CSMD1: variants seen among roughly 807,000 people sequenced by gnomAD.
CSMD1 encodes CUB and Sushi multiple domains 1, also known as CUB and sushi domain-containing protein 1.
CSMD1 carries 213 observed loss-of-function variants against 417.5 expected under a neutral mutation model. The ratio of observed to expected loss-of-function variants is 0.51; its 90% CI spans 0.46 to 0.57. The LOEUF is 0.57. CSMD1 is among the 20% of genes least tolerant of loss of function. The pLI is 0.00. For missense variants in CSMD1, 6,923 were observed against 4,529.7 expected (o/e 1.53, Z -15.17); for synonymous variants, 2,862 against 1,736.8 (o/e 1.65, Z -16.11).
At chr8:3,722,688 G>T (rs1802257301) in intron 6 of CSMD1, among the ~76,000 whole-genome samples, 1 of 152,110 alleles carries the variant, frequency 6.6e-6, no homozygotes, top group Admixed American at 6.6e-5. Context: ...AATTGCCCTA[G>T]GATCAATTTT....
intron 2 of CSMD1, among the ~76,000 whole-genome samples, chr8:4,560,944 T>G (rs1446724694): frequency 6.6e-6 from 1 of 152,206 alleles, no homozygotes; most frequent in Non-Finnish European, 1.5e-5. Context: ...TATTACATTT[T>G]CTATGGACAA....
chr8:4,753,182 G>A (rs1362701464), intron 1 of CSMD1, among the ~76,000 whole-genome samples: 2 of 152,012 alleles, frequency 1.3e-5, no homozygotes, highest in East Asian at 1.9e-4. Flanking sequence ...AGGAGGCAAT[G>A]GAGACAGGAG....
At chr8:4,818,964 G>A (rs766490420) in intron 1 of CSMD1, among the ~76,000 whole-genome samples, 2 of 152,052 alleles carry the variant, frequency 1.3e-5, no homozygotes, top group Non-Finnish European at 2.9e-5. Flanking sequence ...TTAAAACTGT[G>A]ACTTGATTTC....
At chr8:3,122,699 C>T (rs997968053) in intron 41 of CSMD1, among the ~76,000 whole-genome samples, 4 of 152,136 alleles carry the variant, frequency 2.6e-5, no homozygotes, top group Admixed American at 1.3e-4. Flanking sequence ...TTTTCTCTTG[C>T]TGCCGCCATG....
At chr8:3,217,380 G>C (rs1400561304) in intron 29 of CSMD1, among the ~76,000 whole-genome samples, 3 of 152,226 alleles carry the variant, frequency 2.0e-5, no homozygotes, top group African/African-American at 7.2e-5. Context: ...CATGCAACCT[G>C]TAAGGCCCTT....
rs1229401213 is a variant in CSMD1, at chr8:4,927,470, G to A, written c.85+66862C>T. Among the ~76,000 whole-genome samples, 7 of 152,168 alleles carry A rather than the reference G, an allele frequency of 4.6e-5. No individual in the cohort carries two copies. The South Asian group carries it at 1.2e-3, about 27-fold the overall frequency. On this transcript the variant is annotated intron_variant, in intron 1 of 69. Coordinates refer to ENST00000635120, the MANE Select transcript of CSMD1 (RefSeq NM_033225.6). ...TAGGACTCAAGAACTGAGGCTTGGGGCTCAAGTCTTTGCTTTGTAGCTTAG... is the reference window on the plus strand; with the variant it reads ...TAGGACTCAAGAACTGAGGCTTGGGACTCAAGTCTTTGCTTTGTAGCTTAG...
intron 12 of CSMD1, among the ~76,000 whole-genome samples, chr8:3,447,007 G>C (rs775681250): frequency 3.9e-5 from 6 of 152,160 alleles, no homozygotes; most frequent in South Asian, 2.1e-4. Flanking sequence ...AAAGGAATTG[G>C]TGAAATGTTA....
At chr8:4,658,879 A>G (rs921627861) in intron 1 of CSMD1, among the ~76,000 whole-genome samples, 1 of 152,156 alleles carries the variant, frequency 6.6e-6, no homozygotes, top group Non-Finnish European at 1.5e-5. Context: ...CTAGAGCTAT[A>G]TAGGAGCACA....
chr8:4,219,549 T>C (rs1385605203), intron 3 of CSMD1, among the ~76,000 whole-genome samples: 2 of 29,256 alleles, frequency 6.8e-5, no homozygotes, highest in African/African-American at 2.7e-4. Flanking sequence ...ACATTTATGC[T>C]TATGTTAAAA....
intron 56 of CSMD1, 38 bp from the exon 57 acceptor site, chr8:2,973,337 G>A: frequency 6.3e-7 from 1 of 1,590,102 alleles, no homozygotes; most frequent in South Asian, 1.1e-5. Flanking sequence ...CCACAATTGT[G>A]TTAGACTTGT....
intron 5 of CSMD1, among the ~76,000 whole-genome samples, chr8:3,989,428 A>G (rs1814581774): frequency 6.6e-6 from 1 of 152,226 alleles, no homozygotes; most frequent in Non-Finnish European, 1.5e-5. Flanking sequence ...CAAGCTAGGT[A>G]AGAGCGGCTT....
chr8:4,122,440 G>C lies in CSMD1; in HGVS notation c.416-90341C>G, dbSNP rs141584800. Among the ~76,000 whole-genome samples, 11 of 152,306 alleles carry C rather than the reference G, an allele frequency of 7.2e-5. No individual in the cohort carries two copies. The East Asian group carries it at 1.9e-3, about 27-fold the overall frequency. On this transcript the variant is annotated intron_variant, in intron 3 of 69. Coordinates refer to ENST00000635120, the MANE Select transcript of CSMD1 (RefSeq NM_033225.6). ...GAACAACAAACCTCTGACGCAGTTA[G>C]CAATAGATCCAGGGTGGAAATGAAG...
At chr8:4,623,574 A>AG (rs543648201) in intron 2 of CSMD1, among the ~76,000 whole-genome samples, 5 of 152,110 alleles carry the variant, frequency 3.3e-5, no homozygotes, top group Middle Eastern at 3.4e-3. Flanking sequence ...CAGGGGGGTG[A>AG]GGGGGGAACA....
At chr8:3,524,853 C>G (rs946589912) in intron 10 of CSMD1, among the ~76,000 whole-genome samples, 1 of 151,380 alleles carries the variant, frequency 6.6e-6, no homozygotes, top group Non-Finnish European at 1.5e-5. Flanking sequence ...AACTTCCTTT[C>G]TATTTTAACA....
Position 3,277,776 on chromosome 8 carries a change from TTAGGAGTACCAG to T in CSMD1, c.4153+6356_4153+6367del, listed in dbSNP as rs1156753931. On this transcript the variant is annotated intron_variant, in intron 26 of 69. Coordinates refer to ENST00000635120, the MANE Select transcript of CSMD1 (RefSeq NM_033225.6). ...GCCTGGGAGGCTGGCTGGTGTTTCC[TTAGGAGTACCAG>T]AATTGGACATTTATTAACTAGTAAT... is the stretch of plus-strand genomic sequence containing the variant. 3.3e-5 allele frequency among the ~76,000 whole-genome samples: 5 copies of T among 152,240 alleles called. No homozygotes were observed. The East Asian group carries it at 9.7e-4, about 30-fold the overall frequency.
intron 1 of CSMD1, among the ~76,000 whole-genome samples, chr8:4,679,685 A>G (rs1805915316): frequency 6.6e-6 from 1 of 151,612 alleles, no homozygotes; most frequent in South Asian, 2.1e-4. Flanking sequence ...AACTATCTAC[A>G]AGAACCCAGA....
intron 1 of CSMD1, among the ~76,000 whole-genome samples, chr8:4,934,085 C>G (rs918617104): frequency 1.3e-5 from 2 of 152,010 alleles, no homozygotes; most frequent in African/African-American, 2.4e-5. Flanking sequence ...GAACTGAGAA[C>G]TTTGAGGCGG....
chr8:4,119,672 C>G (rs1157532757), intron 3 of CSMD1, among the ~76,000 whole-genome samples: 1 of 152,182 alleles, frequency 6.6e-6, no homozygotes, highest in Non-Finnish European at 1.5e-5. Context: ...ACTTGCAAGC[C>G]AGGAAGAGAG....
intron 2 of CSMD1, among the ~76,000 whole-genome samples, chr8:4,634,750 A>G (rs1585366973): frequency 6.6e-6 from 1 of 152,202 alleles, no homozygotes; most frequent in East Asian, 1.9e-4. Context: ...GCTACTATTT[A>G]TAACTACTTT....
Sources: gnomAD v4.1 joint callset for allele counts (sites outside exome capture counted in the v4.1 genomes callset) on GRCh38, gnomAD v4.1.1 for gene constraint, MANE v1.5 for transcripts, NCBI Gene and HGNC (gene_info 2026-07-23, HGNC 2026-07-21) for gene names.